GRXCR1: variants seen among roughly 807,000 people sequenced by gnomAD.
GRXCR1 encodes glutaredoxin domain-containing cysteine-rich protein 1.
A neutral mutation model predicts 27.3 loss-of-function variants in GRXCR1; 27 were observed. That is an observed-to-expected ratio of 0.99 (90% CI 0.73 to 1.37). The LOEUF is 1.37. Among genes scored for constraint, GRXCR1 ranks in the 40% most tolerant of loss-of-function variants. The probability of loss-of-function intolerance (pLI) is 0.00; values close to 1 mark genes in which losing one functional copy is unlikely to be tolerated. For missense variants in GRXCR1, 379 were observed against 354.4 expected (o/e 1.07, Z -0.56); for synonymous variants, 122 against 131.1 (o/e 0.93, Z 0.47).
At chr4:42,959,418 TTAG>T (rs1303597231) in intron 1 of GRXCR1, among the ~76,000 whole-genome samples, 1 of 151,350 alleles carries the variant, frequency 6.6e-6, no homozygotes, top group African/African-American at 2.4e-5. Flanking sequence ...ATGGTGGCTG[TTAG>T]TGGTGGGGGA....
chr4:42,943,840 G>T (rs964885340), intron 1 of GRXCR1, among the ~76,000 whole-genome samples: 1 of 151,624 alleles, frequency 6.6e-6, no homozygotes, highest in Admixed American at 6.6e-5. Context: ...TACATCTTGG[G>T]GGTTGCCACT....
intron 1 of GRXCR1, among the ~76,000 whole-genome samples, chr4:42,959,309 A>G (rs1748077393): frequency 1.3e-5 from 2 of 152,074 alleles, no homozygotes; most frequent in African/African-American, 4.8e-5. Flanking sequence ...TGCTAAGTGA[A>G]ATAAGCCAGG....
At chr4:43,009,105 G>T (rs746831645) in intron 2 of GRXCR1, among the ~76,000 whole-genome samples, 1 of 152,180 alleles carries the variant, frequency 6.6e-6, no homozygotes, top group Non-Finnish European at 1.5e-5. Context: ...GGCCACAGAG[G>T]CCAAGGCAAA....
intron 1 of GRXCR1, among the ~76,000 whole-genome samples, chr4:42,931,274 A>G (rs1357809365): frequency 6.6e-6 from 1 of 152,024 alleles, no homozygotes; most frequent in African/African-American, 2.4e-5. Context: ...TATAATAATC[A>G]AAGTTTTGAA....
intron 2 of GRXCR1, among the ~76,000 whole-genome samples, chr4:42,990,287 G>A (rs1711927137): frequency 7.5e-6 from 1 of 133,612 alleles, no homozygotes; most frequent in Admixed American, 8.4e-5. Context: ...CGCCTCCCGG[G>A]TTCACGCCAT....
At position 42,963,098 on chromosome 4, in the gene GRXCR1, C is replaced by T; in HGVS notation, c.591C>T (p.Ser197=). 1 of 1,612,630 alleles carries T rather than the reference C, an allele frequency of 6.2e-7. No individual in the cohort carries two copies. The highest frequency in any genetic ancestry group is 1.1e-5 in the South Asian group (1 of 91,032). ...GCCGACGAGTTTCTGAAGCTCCTTC[C>T]CTCCCTGTTGTGTTCATTGATGGCC... is the stretch of plus-strand genomic sequence containing the variant. ...ERCRRVSEAP[S]LPVVFIDGHY... The change falls in exon 2 of 4, where the codon TCC becomes TCT. Residue 197 remains serine, a synonymous_variant. Transcript: ENST00000399770.
chr4:42,983,838 CTT>C (rs201795629), intron 2 of GRXCR1, among the ~76,000 whole-genome samples: 1,595 of 135,902 alleles, frequency 0.012, 15 homozygotes, highest in Non-Finnish European at 0.018. Flanking sequence ...GATTTTCTTT[CTT>C]TTTTTTTTTT....
intron 1 of GRXCR1, among the ~76,000 whole-genome samples, chr4:42,923,228 C>A (rs1432646079): frequency 2.0e-5 from 3 of 152,108 alleles, no homozygotes; most frequent in Admixed American, 2.0e-4. Flanking sequence ...GGTCCTCTGT[C>A]CCCCTTACCT....
chr4:42,896,965 C>G (rs1746359653), intron 1 of GRXCR1, among the ~76,000 whole-genome samples: 1 of 152,046 alleles, frequency 6.6e-6, no homozygotes, highest in Non-Finnish European at 1.5e-5. Context: ...TACCAGGACA[C>G]TCTGATGTAG....
rs117812098 is a variant in GRXCR1 at position 42,950,396 on chromosome 4, T to G, written c.385-12496T>G. On this transcript the variant is annotated intron_variant, in intron 1 of 3. Coordinates refer to ENST00000399770, the MANE Select transcript of GRXCR1 (RefSeq NM_001080476.3). ...CTTTTAACTGTTGTAAGCTCATAAT[T>G]TTGAGATTAGAGGCTCCTGAATATG... Among the ~76,000 whole-genome samples, 282 of 152,312 alleles carry G rather than the reference T, an allele frequency of 1.9e-3. 6 individuals are homozygous for G. The East Asian group carries it at 0.043, about 23-fold the overall frequency.
At chr4:42,973,446 T>C (rs1336866350) in intron 2 of GRXCR1, among the ~76,000 whole-genome samples, 1 of 152,058 alleles carries the variant, frequency 6.6e-6, no homozygotes, top group Non-Finnish European at 1.5e-5. Flanking sequence ...TTGTAAAGTC[T>C]TTTCATTTTG....
chr4:42,897,431 A>G (rs1746370110), intron 1 of GRXCR1, among the ~76,000 whole-genome samples: 1 of 152,108 alleles, frequency 6.6e-6, no homozygotes, highest in African/African-American at 2.4e-5. Flanking sequence ...AAATAGGTGC[A>G]AAGAAGGAAA....
intron 3 of GRXCR1, 113 bp downstream of exon 3, chr4:43,020,532 A>G: frequency 2.7e-6 from 2 of 742,674 alleles, no homozygotes; most frequent in South Asian, 1.5e-5. Flanking sequence ...CAAATATGCA[A>G]TAGGATACAT....
intron 2 of GRXCR1, among the ~76,000 whole-genome samples, chr4:43,014,442 G>A (rs1165242264): frequency 6.6e-6 from 1 of 152,040 alleles, no homozygotes; most frequent in African/African-American, 2.4e-5. Flanking sequence ...TGCTAGGTGC[G>A]GGTCGAACTC....
At chr4:42,904,437 T>C (rs1746538279) in intron 1 of GRXCR1, among the ~76,000 whole-genome samples, 2 of 152,294 alleles carry the variant, frequency 1.3e-5, no homozygotes, top group Admixed American at 1.3e-4. Flanking sequence ...TCCCCAGTAG[T>C]GTCTTAAATA....
chr4:42,939,733 G>A (rs1747565895), intron 1 of GRXCR1, among the ~76,000 whole-genome samples: 1 of 151,970 alleles, frequency 6.6e-6, no homozygotes, highest in Non-Finnish European at 1.5e-5. Context: ...CAGATAGTAT[G>A]GTGGCAATAT....
intron 1 of GRXCR1, among the ~76,000 whole-genome samples, chr4:42,900,687 T>C (rs969974595): frequency 6.6e-6 from 1 of 151,976 alleles, no homozygotes; most frequent in African/African-American, 2.4e-5. Flanking sequence ...TACAGGTCAG[T>C]GGAAAGAGAA....
At chr4:42,915,858 A>AT (rs1746873459) in intron 1 of GRXCR1, among the ~76,000 whole-genome samples, 1 of 152,110 alleles carries the variant, frequency 6.6e-6, no homozygotes, top group Non-Finnish European at 1.5e-5. Flanking sequence ...TCATGTTTAG[A>AT]TTTTTTTAAG....
chr4:42,969,634 T>A (rs923990290), intron 2 of GRXCR1, among the ~76,000 whole-genome samples: 2 of 152,088 alleles, frequency 1.3e-5, no homozygotes, highest in Admixed American at 6.6e-5. Flanking sequence ...CCTGCTATCA[T>A]GAGAACAACA....
Sources: gnomAD v4.1 joint callset for allele counts (sites outside exome capture counted in the v4.1 genomes callset) on GRCh38, gnomAD v4.1.1 for gene constraint, MANE v1.5 for transcripts, NCBI Gene and HGNC (gene_info 2026-07-23, HGNC 2026-07-21) for gene names.